CSMD1: variants seen among roughly 807,000 people sequenced by gnomAD.
The protein encoded by CSMD1 is CUB and sushi domain-containing protein 1.
In CSMD1, 213 loss-of-function variants were observed where a neutral mutation model predicts 417.5. That is an observed-to-expected ratio of 0.51 (90% CI 0.46 to 0.57). The LOEUF is 0.57. Among genes scored for constraint, CSMD1 ranks in the 20% least tolerant of loss-of-function variants. CSMD1 has a pLI of 0.00. For missense variants in CSMD1, 6,923 were observed against 4,529.7 expected (o/e 1.53, Z -15.17); for synonymous variants, 2,862 against 1,736.8 (o/e 1.65, Z -16.11).
At chr8:4,752,137 T>C (rs998807779) in intron 1 of CSMD1, among the ~76,000 whole-genome samples, 23 of 152,304 alleles carry the variant, frequency 1.5e-4, no homozygotes, top group African/African-American at 5.5e-4. Context: ...ATCATATATA[T>C]GTATCTCAGT....
intron 2 of CSMD1, among the ~76,000 whole-genome samples, chr8:4,544,150 T>C (rs1213267445): frequency 6.6e-6 from 1 of 152,220 alleles, no homozygotes; most frequent in Non-Finnish European, 1.5e-5. Flanking sequence ...GATTTTTTCA[T>C]GGATCACACC....
chr8:4,403,930 C>T (rs1342532566), intron 3 of CSMD1, among the ~76,000 whole-genome samples: 1 of 152,172 alleles, frequency 6.6e-6, no homozygotes, highest in Non-Finnish European at 1.5e-5. Context: ...CAATCTTCGC[C>T]TTTTGAAGTG....
Position 2,961,140 on chromosome 8 carries a change from C to T in CSMD1, c.9702+1G>A. The T allele has an allele frequency of 6.4e-7, 1 of 1,567,320 alleles. No homozygotes were observed. Among genetic ancestry groups the T allele is most frequent in the East Asian group, 2.3e-5 (1 of 43,930 alleles). On this transcript the variant is annotated splice_donor_variant, in intron 62 of 69. Transcript: ENST00000635120. LOFTEE classifies it high-confidence loss of function. ...AACATAGTAAATTCATAATGAACTA[C>T]CTCATAGCCTCTGGAGCTATTCTGT...
chr8:2,992,111 T>A (rs1038071860), intron 54 of CSMD1, among the ~76,000 whole-genome samples: 3 of 152,204 alleles, frequency 2.0e-5, no homozygotes, highest in African/African-American at 7.2e-5. Flanking sequence ...AAGAAACACA[T>A]GCATGAATAG....
chr8:3,058,155 T>C (rs771272830), intron 49 of CSMD1, among the ~76,000 whole-genome samples: 2 of 152,224 alleles, frequency 1.3e-5, no homozygotes, highest in African/African-American at 2.4e-5. Flanking sequence ...GGTAGTGCTA[T>C]TGTGTGCAAC....
At chr8:3,435,327 G>A (rs1380446128) in intron 12 of CSMD1, among the ~76,000 whole-genome samples, 1 of 152,156 alleles carries the variant, frequency 6.6e-6, no homozygotes, top group Non-Finnish European at 1.5e-5. Context: ...GGGCAGAGGG[G>A]CTGAAACAGA....
intron 3 of CSMD1, among the ~76,000 whole-genome samples, chr8:4,342,944 G>T (rs1035744894): frequency 6.6e-6 from 1 of 152,056 alleles, no homozygotes; most frequent in Non-Finnish European, 1.5e-5. Context: ...TGATCTGTAA[G>T]TTTCAGACTC....
chr8:4,073,208 C>G (rs1032532232), intron 3 of CSMD1, among the ~76,000 whole-genome samples: 32 of 152,086 alleles, frequency 2.1e-4, no homozygotes, highest in African/African-American at 7.7e-4. Flanking sequence ...ACAACAATAA[C>G]TTGTTTTTAA....
intron 33 of CSMD1, among the ~76,000 whole-genome samples, chr8:3,193,924 A>C (rs998029395): frequency 1.4e-4 from 22 of 152,300 alleles, no homozygotes; most frequent in African/African-American, 4.8e-4. Context: ...GTTACAGTTG[A>C]TGTGAAAACC....
chr8:4,441,008 A>T (rs77327733), intron 2 of CSMD1, among the ~76,000 whole-genome samples: 4,561 of 149,084 alleles, frequency 0.031, 238 homozygotes, highest in African/African-American at 0.11. Flanking sequence ...AAAAAAAAAA[A>T]TTAAAAATAT....
At position 3,571,761 on chromosome 8, in the gene CSMD1, G is replaced by A. The variant is rs113702246; in HGVS notation, c.1344+3184C>T. Among the ~76,000 whole-genome samples the A allele has an allele frequency of 2.8e-4, 18 of 63,712 alleles. No individual in the cohort carries two copies. In the East Asian group the frequency reaches 5.6e-3, roughly 20 times the overall value. 41.8% of individuals were successfully genotyped at this position (63,712 alleles called of 152,430 possible). On this transcript the variant is annotated intron_variant, in intron 10 of 69. Coordinates refer to ENST00000635120, the MANE Select transcript of CSMD1 (RefSeq NM_033225.6). ...TCCAGTCTTGCTAAGTCTCCGTCTG[G>A]GGCAATTTCCCCTGCACCACTCCAT...
intron 3 of CSMD1, among the ~76,000 whole-genome samples, chr8:4,166,965 G>A (rs1797492136): frequency 6.6e-6 from 1 of 152,202 alleles, no homozygotes; most frequent in South Asian, 2.1e-4. Flanking sequence ...AGCACATGCT[G>A]AAGGCACTGT....
chr8:3,996,795 C>A (rs560065930), intron 5 of CSMD1, among the ~76,000 whole-genome samples: 1 of 152,144 alleles, frequency 6.6e-6, no homozygotes, highest in African/African-American at 2.4e-5. Context: ...TAAAATCAAC[C>A]AGGAAAGGAC....
chr8:4,436,897 T>C (rs755417386), intron 2 of CSMD1, among the ~76,000 whole-genome samples: 2 of 152,186 alleles, frequency 1.3e-5, no homozygotes, highest in African/African-American at 2.4e-5. Context: ...AAGAACCACA[T>C]TTTCTTTATC....
At chr8:4,252,526 A>G (rs970106651) in intron 3 of CSMD1, among the ~76,000 whole-genome samples, 1 of 152,234 alleles carries the variant, frequency 6.6e-6, no homozygotes, top group African/African-American at 2.4e-5. Flanking sequence ...CTCAAACACC[A>G]TAAAATGCTC....
chr8:4,528,562 T>C lies in CSMD1; in HGVS notation c.303-108497A>G, dbSNP rs539387595. On this transcript the variant is annotated intron_variant, in intron 2 of 69. Transcript: ENST00000635120. ...TTACATTTGCTAAAAGGGTAGATCT[T>C]ATGTTAATTATTTGTATCACAAAAT... Among the ~76,000 whole-genome samples the C allele has an allele frequency of 1.7e-4, 26 of 152,112 alleles. No individual in the cohort carries two copies. In the South Asian group the frequency reaches 5.2e-3, roughly 30 times the overall value.
At chr8:4,223,540 C>A (rs1039469267) in intron 3 of CSMD1, among the ~76,000 whole-genome samples, 1 of 152,220 alleles carries the variant, frequency 6.6e-6, no homozygotes, top group East Asian at 1.9e-4. Flanking sequence ...TTAATAACCA[C>A]CAGGAGAGCT....
In CSMD1 at chr8:3,348,048, T is replaced by G. The variant is rs764390243; in HGVS notation, c.3418A>C (p.Lys1140Gln). ...CIYKIETEAGKGIHLRTRSFQ... is the reference protein window; with the variant it reads ...CIYKIETEAGQGIHLRTRSFQ... The stretch of plus-strand genomic sequence containing the variant: ...CTTCGTGTTCTAAGGTGGATGCCCT[T>G]GCCGGCTTCTGTTTCTATTTTATAG... The change falls in exon 22 of 70, where the codon AAG becomes CAG. Residue 1140 changes from lysine to glutamine, a missense_variant. Physicochemically the swap from Lys to Gln is moderately conservative, Grantham distance 53 (BLOSUM62 1). Coordinates refer to ENST00000635120, the MANE Select transcript of CSMD1 (RefSeq NM_033225.6). 2 of 1,611,130 alleles carry G rather than the reference T, an allele frequency of 1.2e-6. No homozygotes were observed. Among genetic ancestry groups the G allele is most frequent in the Admixed American group, 1.7e-5 (1 of 59,646 alleles).
rs192136345 is a variant in CSMD1, at chr8:3,690,597, A to G, written c.1009+17817T>C. Among the ~76,000 whole-genome samples the G allele has an allele frequency of 1.3e-5, 2 of 152,304 alleles. 1 individual carries two copies. Among genetic ancestry groups the G allele is most frequent in the Admixed American group, 1.3e-4 (2 of 15,296 alleles). ...TTTTACATCAGTGAGATGTGATTCA[A>G]CGGTACTGTGATGATATCATAGCTT... On this transcript the variant is annotated intron_variant, in intron 7 of 69. Coordinates refer to ENST00000635120, the MANE Select transcript of CSMD1 (RefSeq NM_033225.6).
Sources: allele counts gnomAD v4.1 joint callset (sites outside exome capture counted in the v4.1 genomes callset), GRCh38; gene constraint gnomAD v4.1.1; transcripts MANE v1.5; gene names NCBI Gene and HGNC (gene_info 2026-07-23, HGNC 2026-07-21).